The following SCD5 variants were observed in gnomAD, a reference collection of about 807,000 sequenced individuals.
SCD5 encodes the protein stearoyl-CoA desaturase 5.
Under a neutral mutation model 30.4 loss-of-function variants are expected in SCD5, and 20 were observed. The observed-to-expected ratio is 0.66, with a 90% CI of 0.46 to 0.96. The LOEUF is 0.96. Among genes scored for constraint, SCD5 ranks in the 40% least tolerant of loss-of-function variants. The pLI is 0.00. For missense variants in SCD5, 381 were observed against 443.3 expected (o/e 0.86, Z 1.26); for synonymous variants, 173 against 176.4 (o/e 0.98, Z 0.16).
At chr4:82,668,917 T>C (rs1198942193) in intron 3 of SCD5, among the ~76,000 whole-genome samples, 2 of 152,202 alleles carry the variant, frequency 1.3e-5, no homozygotes, top group Admixed American at 1.3e-4. Flanking sequence ...TACAGAGTTT[T>C]TCACAAAATA....
chr4:82,796,694 C>T (rs1722228028), intron 1 of SCD5, among the ~76,000 whole-genome samples: 2 of 152,140 alleles, frequency 1.3e-5, no homozygotes, highest in Non-Finnish European at 2.9e-5. Flanking sequence ...CCTCAATCCC[C>T]TAGAGGTCAC....
chr4:82,789,139 G>T (rs746919224), intron 1 of SCD5, among the ~76,000 whole-genome samples: 9 of 152,204 alleles, frequency 5.9e-5, no homozygotes, highest in Non-Finnish European at 1.3e-4. Flanking sequence ...ATTCCCAAGG[G>T]CCATGCACAG....
At chr4:82,680,344 A>G (rs1728541162) in intron 3 of SCD5, among the ~76,000 whole-genome samples, 1 of 152,224 alleles carries the variant, frequency 6.6e-6, no homozygotes, top group Non-Finnish European at 1.5e-5. Flanking sequence ...AGTAGAGTCA[A>G]GTGTGTCACT....
chr4:82,652,061 G>A (rs1317501322), intron 3 of SCD5, among the ~76,000 whole-genome samples: 1 of 152,184 alleles, frequency 6.6e-6, no homozygotes, highest in Non-Finnish European at 1.5e-5. Context: ...CAAGCTCCTG[G>A]GTAACACTGA....
intron 1 of SCD5, among the ~76,000 whole-genome samples, chr4:82,794,769 C>A (rs992687212): frequency 6.6e-6 from 1 of 152,040 alleles, no homozygotes; most frequent in African/African-American, 2.4e-5. Flanking sequence ...CCTGCCTCAG[C>A]CTCCCGAGTA....
chr4:82,736,787 T>G (rs1720761385), intron 1 of SCD5, among the ~76,000 whole-genome samples: 1 of 151,958 alleles, frequency 6.6e-6, no homozygotes, highest in Admixed American at 6.6e-5. Flanking sequence ...CTTAACCTCC[T>G]GAGTAGCTGG....
At chr4:82,666,586 A>T (rs1353519413) in intron 3 of SCD5, among the ~76,000 whole-genome samples, 1 of 152,228 alleles carries the variant, frequency 6.6e-6, no homozygotes, top group Non-Finnish European at 1.5e-5. Context: ...ATAGCCTAGA[A>T]AGAGAACCAG....
At chr4:82,679,279 AGAAG>A (rs1560531748) in intron 3 of SCD5, among the ~76,000 whole-genome samples, 10 of 126,446 alleles carry the variant, frequency 7.9e-5, no homozygotes, top group African/African-American at 2.9e-4. Context: ...AAAGAAAGAA[AGAAG>A]GAAGGAAAGA....
At chr4:82,732,862 C>T (rs2148836206) in intron 1 of SCD5, among the ~76,000 whole-genome samples, 1 of 152,274 alleles carries the variant, frequency 6.6e-6, no homozygotes, top group South Asian at 2.1e-4. Flanking sequence ...TCCTCCACCT[C>T]AGTGGTTCTC....
intron 1 of SCD5, among the ~76,000 whole-genome samples, chr4:82,709,311 C>A (rs1207219658): frequency 1.3e-5 from 2 of 152,146 alleles, no homozygotes; most frequent in Non-Finnish European, 2.9e-5. Context: ...AACATGAGTG[C>A]CAGTTTATGA....
chr4:82,644,964 C>G (rs10014168), intron 3 of SCD5, among the ~76,000 whole-genome samples: 108,564 of 152,126 alleles, frequency 0.71, 38,875 homozygotes, highest in Admixed American at 0.78. Context: ...TCCTCTCTGC[C>G]TATCTATGAA....
chr4:82,640,958 C>G (rs572438777), intron 3 of SCD5, among the ~76,000 whole-genome samples: 14 of 152,328 alleles, frequency 9.2e-5, no homozygotes, highest in African/African-American at 3.4e-4. Flanking sequence ...CACCACAGAA[C>G]ATTCAACTAC....
intron 2 of SCD5, among the ~76,000 whole-genome samples, chr4:82,685,479 G>A (rs538030302): frequency 2.0e-5 from 3 of 152,202 alleles, no homozygotes; most frequent in Non-Finnish European, 4.4e-5. Context: ...TTGAGAGGCC[G>A]AGGTGGGCGA....
intron 1 of SCD5, among the ~76,000 whole-genome samples, chr4:82,774,476 A>T (rs1465518169): frequency 6.6e-6 from 1 of 152,208 alleles, no homozygotes; most frequent in African/African-American, 2.4e-5. Context: ...GTATCTCTAA[A>T]ATGGGGAGAT....
At chr4:82,780,899 G>T (rs1721853397) in intron 1 of SCD5, among the ~76,000 whole-genome samples, 1 of 152,244 alleles carries the variant, frequency 6.6e-6, no homozygotes, top group African/African-American at 2.4e-5. Flanking sequence ...AGGGCCAAGG[G>T]GCGGCTTTGC....
At position 82,710,035 on chromosome 4, in the gene SCD5, G is replaced by A. The variant is rs533398069; in HGVS notation, c.233-4622C>T. Among the ~76,000 whole-genome samples, 51 of 152,340 alleles carry A rather than the reference G, an allele frequency of 3.3e-4. No homozygotes were observed. In the South Asian group the frequency reaches 3.7e-3, roughly 11 times the overall value. The stretch of plus-strand genomic sequence containing the variant: ...TTGGGACCTCTAAGTGATAAAGCCA[G>A]AATTCCAACACCAGATCAGTCCAAC... On this transcript the variant is annotated intron_variant, in intron 1 of 4. Coordinates refer to ENST00000319540, the MANE Select transcript of SCD5 (RefSeq NM_001037582.3).
In SCD5 at chr4:82,639,611, C is replaced by T. The variant is rs547486824; in HGVS notation, c.570-2788G>A. On this transcript the variant is annotated intron_variant, in intron 3 of 4. Coordinates refer to ENST00000319540, the MANE Select transcript of SCD5 (RefSeq NM_001037582.3). Reference sequence around the variant, plus strand: ...ACGTGGGAGCATCATCTGAAGAGGACGTCTGTGTGGAGCACACAGGCCCTG... The same window carrying T: ...ACGTGGGAGCATCATCTGAAGAGGATGTCTGTGTGGAGCACACAGGCCCTG... Among the ~76,000 whole-genome samples the T allele has an allele frequency of 1.2e-4, 18 of 152,290 alleles. No homozygotes were observed. In the East Asian group the frequency reaches 1.4e-3, roughly 11 times the overall value.
intron 3 of SCD5, among the ~76,000 whole-genome samples, chr4:82,654,457 T>C (rs1727827367): frequency 6.6e-6 from 1 of 152,258 alleles, no homozygotes; most frequent in South Asian, 2.1e-4. Flanking sequence ...GACTACCCTT[T>C]GCAGTTAGAT....
At chr4:82,719,871 A>G (rs1487307900) in intron 1 of SCD5, among the ~76,000 whole-genome samples, 1 of 150,744 alleles carries the variant, frequency 6.6e-6, no homozygotes, top group African/African-American at 2.5e-5. Context: ...GTGCAATCTC[A>G]GTTCACTGCA....
Sources: gnomAD v4.1 joint callset for allele counts (sites outside exome capture counted in the v4.1 genomes callset) on GRCh38, gnomAD v4.1.1 for gene constraint, MANE v1.5 for transcripts, NCBI Gene and HGNC (gene_info 2026-07-23, HGNC 2026-07-21) for gene names.